KCNIP3: variants seen among roughly 807,000 people sequenced by gnomAD.
The protein encoded by KCNIP3 is calsenilin.
A neutral mutation model predicts 35.0 loss-of-function variants in KCNIP3; 28 were observed. That is an observed-to-expected ratio of 0.80 (90% CI 0.59 to 1.10). KCNIP3 has a LOEUF of 1.10. Ranked by LOEUF, KCNIP3 falls within the 50% of genes least tolerant of loss-of-function variation. KCNIP3 has a pLI of 0.00. For synonymous variants in KCNIP3, 134 were observed against 133.8 expected (o/e 1.00, Z -0.01); for missense variants, 295 against 338.4 (o/e 0.87, Z 1.01).
chr2:95,300,470 C>T (rs566638042), intron 1 of KCNIP3, among the ~76,000 whole-genome samples: 29 of 152,252 alleles, frequency 1.9e-4, no homozygotes, highest in South Asian at 4.1e-4. Flanking sequence ...GGCTTCTGCA[C>T]GGAAGAAAGC....
chr2:95,362,532 C>A, intron 2 of KCNIP3, among the ~76,000 whole-genome samples: 1 of 152,198 alleles, frequency 6.6e-6, no homozygotes, highest in Admixed American at 6.5e-5. Flanking sequence ...GTTAAGACTT[C>A]AACGATGAAG....
chr2:95,364,115 A>G (rs1478921804), intron 2 of KCNIP3, among the ~76,000 whole-genome samples: 1 of 152,204 alleles, frequency 6.6e-6, no homozygotes, highest in Non-Finnish European at 1.5e-5. Flanking sequence ...TTTTGCCATT[A>G]AATCCAATAT....
chr2:95,384,214 A>T lies in KCNIP3; in HGVS notation c.*165A>T. On this transcript the variant is annotated 3_prime_UTR_variant, in exon 9 of 9. Coordinates refer to ENST00000295225, the MANE Select transcript of KCNIP3 (RefSeq NM_013434.5). The stretch of plus-strand genomic sequence containing the variant: ...CACACACACACACACACAGCCATTC[A>T]TCTGGGCTGGCAGAGGGGACAGAGT... The T allele has an allele frequency of 3.3e-6, 2 of 610,990 alleles. No homozygotes were observed. The highest frequency in any genetic ancestry group is 5.9e-5 in the East Asian group (2 of 34,048). The allele number at this position is 610,990 out of a possible 1,614,324, so 37.8% of individuals were successfully genotyped here.
chr2:95,381,821 A>C, intron 6 of KCNIP3, 118 bp downstream of exon 6: 1 of 738,526 alleles, frequency 1.4e-6, no homozygotes, highest in Non-Finnish European at 2.3e-6. Flanking sequence ...CTGTCCATCC[A>C]GAGACTGGCC....
intron 2 of KCNIP3, among the ~76,000 whole-genome samples, chr2:95,334,794 C>A (rs996159369): frequency 3.4e-4 from 51 of 152,202 alleles, no homozygotes; most frequent in Non-Finnish European, 4.6e-4. Context: ...TGGCCTCAAA[C>A]GTTCCCCTTC....
At chr2:95,322,834 G>A (rs1159216704) in intron 2 of KCNIP3, among the ~76,000 whole-genome samples, 4 of 152,240 alleles carry the variant, frequency 2.6e-5, no homozygotes, top group East Asian at 3.9e-4. Context: ...CCCAGCCCTT[G>A]GCAGCTCTCC....
intron 2 of KCNIP3, among the ~76,000 whole-genome samples, chr2:95,325,751 T>C (rs1368625897): frequency 7.7e-6 from 1 of 129,534 alleles, no homozygotes; most frequent in Non-Finnish European, 1.7e-5. Flanking sequence ...ACACACGCAC[T>C]CATACACACA....
At chr2:95,310,770 T>C in intron 2 of KCNIP3, 1 of 518,796 alleles carries the variant, frequency 1.9e-6, no homozygotes, top group Non-Finnish European at 3.5e-6. Flanking sequence ...ACACTGCGGT[T>C]TTCCAGTTGG....
intron 1 of KCNIP3, among the ~76,000 whole-genome samples, chr2:95,308,362 G>A (rs995171282): frequency 2.0e-5 from 3 of 152,230 alleles, no homozygotes; most frequent in Non-Finnish European, 2.9e-5. Flanking sequence ...GATGATGACT[G>A]TGAGCTGGAG....
chr2:95,342,196 G>A (rs1218908126), intron 2 of KCNIP3, among the ~76,000 whole-genome samples: 1 of 152,130 alleles, frequency 6.6e-6, no homozygotes, highest in Admixed American at 6.5e-5. Context: ...GGCCATGGGG[G>A]GCAAGGTTGA....
At chr2:95,317,571 C>A (rs981690011) in intron 2 of KCNIP3, among the ~76,000 whole-genome samples, 1 of 152,136 alleles carries the variant, frequency 6.6e-6, no homozygotes, top group Non-Finnish European at 1.5e-5. Context: ...GAGCCAGAAG[C>A]AGGGACAGAA....
Position 95,325,727 on chromosome 2 carries a change from A to T in KCNIP3, c.181+15207A>T, listed in dbSNP as rs953830240. 3.9e-5 allele frequency among the ~76,000 whole-genome samples: 6 copies of T among 151,988 alleles called. No individual in the cohort carries two copies. In the East Asian group the frequency reaches 9.7e-4, roughly 25 times the overall value. ...CATACACACAGTCATACACTTATAC[A>T]CATACACACTCATACACACGCACTC... On this transcript the variant is annotated intron_variant, in intron 2 of 8. Coordinates refer to ENST00000295225, the MANE Select transcript of KCNIP3 (RefSeq NM_013434.5).
chr2:95,332,244 C>A (rs137934217), intron 2 of KCNIP3, among the ~76,000 whole-genome samples: 1 of 152,242 alleles, frequency 6.6e-6, no homozygotes, highest in African/African-American at 2.4e-5. Context: ...ATGGCCCTGG[C>A]GCTCTGGGGC....
intron 2 of KCNIP3, among the ~76,000 whole-genome samples, chr2:95,354,660 G>A (rs1466239312): frequency 6.6e-6 from 1 of 152,214 alleles, no homozygotes; most frequent in Non-Finnish European, 1.5e-5. Context: ...GTCTCTAACT[G>A]CGGGGCCAAG....
chr2:95,345,339 G>T (rs549559456), intron 2 of KCNIP3, among the ~76,000 whole-genome samples: 1 of 152,346 alleles, frequency 6.6e-6, no homozygotes, highest in East Asian at 1.9e-4. Context: ...AAAGCCCACG[G>T]GGGGAGCCCT....
At chr2:95,320,080 G>T (rs1678555600) in intron 2 of KCNIP3, among the ~76,000 whole-genome samples, 1 of 152,236 alleles carries the variant, frequency 6.6e-6, no homozygotes, top group South Asian at 2.1e-4. Flanking sequence ...CAGCCAGGGA[G>T]GTGCTCTCTG....
At chr2:95,305,018 C>T (rs1414451939) in intron 1 of KCNIP3, among the ~76,000 whole-genome samples, 1 of 152,196 alleles carries the variant, frequency 6.6e-6, no homozygotes, top group African/African-American at 2.4e-5. Context: ...GTTTCTGGGA[C>T]ACAGCCCTAA....
At chr2:95,381,737 C>T (rs1168050245) in intron 6 of KCNIP3, 34 bp downstream of exon 6, 13 of 1,381,046 alleles carry the variant, frequency 9.4e-6, no homozygotes, top group Middle Eastern at 3.9e-4. Flanking sequence ...ATTGTCCCCT[C>T]CTCCCCTCCT....
intron 2 of KCNIP3, among the ~76,000 whole-genome samples, chr2:95,372,403 C>A (rs1322534917): frequency 6.6e-6 from 1 of 152,158 alleles, no homozygotes; most frequent in Admixed American, 6.5e-5. Context: ...GGGGAAGAGT[C>A]TATGTGGGAT....
Sources: gnomAD v4.1 joint callset for allele counts (sites outside exome capture counted in the v4.1 genomes callset) on GRCh38, gnomAD v4.1.1 for gene constraint, MANE v1.5 for transcripts, NCBI Gene and HGNC (gene_info 2026-07-23, HGNC 2026-07-21) for gene names.